Variants in SOBP observed in about 807,000 individuals in gnomAD.
SOBP encodes sine oculis-binding protein homolog.
Under a neutral mutation model 53.6 loss-of-function variants are expected in SOBP, and 4 were observed. The ratio of observed to expected loss-of-function variants is 0.07; its 90% confidence interval spans 0.04 to 0.17. SOBP has a LOEUF of 0.17. Among genes scored for constraint, SOBP ranks in the 10% least tolerant of loss-of-function variants. The pLI, the probability that SOBP is intolerant of heterozygous loss-of-function variation, is 1.00. For missense variants in SOBP, 1,088 were observed against 1,204.7 expected, an observed-to-expected ratio of 0.90 and a Z score of 1.43; for synonymous variants, 584 against 522.6, an observed-to-expected ratio of 1.12 and a Z score of -1.60.
intron 4 of SOBP, among the ~76,000 whole-genome samples, chr6:107,569,211 T>C (rs1183407064): frequency 6.6e-6 from 1 of 152,212 alleles, no homozygotes; most frequent in Admixed American, 6.5e-5. Context: ...AGTGACTCTC[T>C]AAGGGCAGTG....
chr6:107,566,426 A>G (rs2115032115), intron 4 of SOBP, among the ~76,000 whole-genome samples: 1 of 152,356 alleles, frequency 6.6e-6, no homozygotes, highest in South Asian at 2.1e-4. Context: ...GACTTTAGAA[A>G]GGGAAGGGAG....
rs112405938 is a variant in SOBP at position 107,594,184 on chromosome 6, A to G, written c.669+7009A>G. On this transcript the variant is annotated intron_variant, in intron 5 of 6. Coordinates refer to ENST00000317357, the MANE Select transcript of SOBP (RefSeq NM_018013.4). ...GTGTGTCTGCGTCCTGGTGTGTGAA[A>G]TGAGGACAATAGTAGCTATTGGGTA... 3.9e-3 allele frequency among the ~76,000 whole-genome samples: 588 copies of G among 152,106 alleles called. 1 individual carries two copies. The highest frequency in any genetic ancestry group is 4.8e-3 in the Non-Finnish European group (329 of 68,026).
intron 3 of SOBP, among the ~76,000 whole-genome samples, chr6:107,507,182 T>C (rs966618430): frequency 3.3e-5 from 5 of 152,192 alleles, no homozygotes; most frequent in African/African-American, 1.2e-4. Context: ...GAGGCAGGCT[T>C]GGTCTTCAAC....
chr6:107,504,382 A>C (rs914572327), intron 2 of SOBP, among the ~76,000 whole-genome samples: 43 of 152,228 alleles, frequency 2.8e-4, no homozygotes, highest in African/African-American at 9.6e-4. Context: ...TTTTTTAATC[A>C]AAGCCCAGCT....
intron 5 of SOBP, among the ~76,000 whole-genome samples, chr6:107,605,537 G>A (rs887134201): frequency 6.6e-6 from 1 of 152,256 alleles, no homozygotes; most frequent in African/African-American, 2.4e-5. Context: ...TTTACCAACA[G>A]TGTGTCCTTA....
intron 5 of SOBP, among the ~76,000 whole-genome samples, chr6:107,597,827 G>A (rs1417325256): frequency 4.6e-5 from 7 of 152,032 alleles, no homozygotes; most frequent in African/African-American, 1.4e-4. Context: ...TATTCTCCCT[G>A]GTTTATTTGG....
intron 5 of SOBP, among the ~76,000 whole-genome samples, chr6:107,611,295 G>A (rs1291464601): frequency 1.3e-5 from 2 of 152,222 alleles, no homozygotes; most frequent in African/African-American, 4.8e-5. Context: ...GGGGGCCCCG[G>A]TGGAGCCAAA....
intron 3 of SOBP, among the ~76,000 whole-genome samples, chr6:107,532,885 G>A (rs1265460002): frequency 3.3e-5 from 5 of 152,220 alleles, no homozygotes; most frequent in Non-Finnish European, 7.3e-5. Flanking sequence ...CCAGAATCTG[G>A]CCACGCACAT....
chr6:107,557,447 T>C (rs1322598194), intron 4 of SOBP, among the ~76,000 whole-genome samples: 1 of 152,232 alleles, frequency 6.6e-6, no homozygotes, highest in Non-Finnish European at 1.5e-5. Context: ...TTAAAAATTA[T>C]GGAAGATATA....
At chr6:107,558,753 A>G (rs1283394532) in intron 4 of SOBP, among the ~76,000 whole-genome samples, 1 of 151,894 alleles carries the variant, frequency 6.6e-6, no homozygotes, top group Non-Finnish European at 1.5e-5. Flanking sequence ...TAGTTCCGGT[A>G]TGTTAATTCA....
chr6:107,534,435 A>G (rs1783930683), intron 4 of SOBP, among the ~76,000 whole-genome samples: 1 of 152,230 alleles, frequency 6.6e-6, no homozygotes, highest in Non-Finnish European at 1.5e-5. Context: ...TTTTCCATTG[A>G]TATGTAAAGC....
At chr6:107,563,143 G>C (rs1784818911) in intron 4 of SOBP, among the ~76,000 whole-genome samples, 1 of 151,924 alleles carries the variant, frequency 6.6e-6, no homozygotes, top group Admixed American at 6.6e-5. Context: ...TGTAGTCCCA[G>C]CTACTTGGAA....
intron 4 of SOBP, among the ~76,000 whole-genome samples, chr6:107,547,871 A>G (rs544174329): frequency 4.6e-5 from 7 of 152,294 alleles, no homozygotes; most frequent in Non-Finnish European, 4.4e-5. Flanking sequence ...GTCCAAGTTG[A>G]TGGGTTTCTG....
At chr6:107,528,150 ATTAC>A (rs1783718494) in intron 3 of SOBP, among the ~76,000 whole-genome samples, 1 of 152,212 alleles carries the variant, frequency 6.6e-6, no homozygotes, top group African/African-American at 2.4e-5. Context: ...AGCATAAATC[ATTAC>A]TTACAAGTAT....
intron 6 of SOBP, among the ~76,000 whole-genome samples, chr6:107,636,566 C>A (rs888452478): frequency 6.6e-6 from 1 of 152,172 alleles, no homozygotes; most frequent in South Asian, 2.1e-4. Context: ...TCTATCCAAG[C>A]GGGCATCAAA....
At chr6:107,645,531 CA>C (rs55822536) in intron 6 of SOBP, among the ~76,000 whole-genome samples, 11 of 148,042 alleles carry the variant, frequency 7.4e-5, no homozygotes, top group African/African-American at 2.0e-4. Flanking sequence ...TACTGAGAGA[CA>C]AAAAAAAAAG....
At chr6:107,507,913 T>C (rs1036037527) in intron 3 of SOBP, among the ~76,000 whole-genome samples, 11 of 152,210 alleles carry the variant, frequency 7.2e-5, no homozygotes, top group Non-Finnish European at 1.3e-4. Flanking sequence ...CTGAGCATTA[T>C]GTGATATTGC....
At position 107,634,638 on chromosome 6, in the gene SOBP, C is replaced by G. The variant is rs528076659; in HGVS notation, c.1794C>G (p.Pro598=). Residue 598 remains proline, a synonymous_variant, in exon 6 of 7, where the codon CCC becomes CCG. Coordinates refer to ENST00000317357, the MANE Select transcript of SOBP (RefSeq NM_018013.4). This position sits in a 1 kb window ranked among gnomAD's most constrained non-coding sequence, Gnocchi z 4.5. ...GCTCGTCCAAGTCCGCGGACTCGCC[C>G]CCCGGCTGCTCGGGCCAGGCCCTGA... ...KQGSSKSADS[P]PGCSGQALSL... The G allele has an allele frequency of 1.7e-5, 27 of 1,576,870 alleles. No homozygotes were observed. In the African/African-American group the frequency reaches 3.2e-4, roughly 19 times the overall value.
At chr6:107,573,131 TCGTTAAGTACTGA>T (rs1785124475) in intron 4 of SOBP, among the ~76,000 whole-genome samples, 1 of 152,090 alleles carries the variant, frequency 6.6e-6, no homozygotes, top group South Asian at 2.1e-4. Context: ...ATAGAAGTGG[TCGTTAAGTACTGA>T]TTGTGTCCAG....
Sources: gnomAD v4.1 joint callset for allele counts (sites outside exome capture counted in the v4.1 genomes callset) on GRCh38, gnomAD v4.1.1 for gene constraint, Gnocchi (gnomAD v3.1) non-coding constraint, MANE v1.5 for transcripts, NCBI Gene and HGNC (gene_info 2026-07-23, HGNC 2026-07-21) for gene names.